Variants in MYO10 observed in about 807,000 individuals in gnomAD.
MYO10 encodes the protein myosin X.
In MYO10, 133 loss-of-function variants were observed where a neutral mutation model predicts 257.3. That is an observed-to-expected ratio of 0.52 (90% CI 0.45 to 0.60). MYO10 has a LOEUF of 0.60. MYO10 is among the 20% of genes least tolerant of loss of function. The probability of loss-of-function intolerance (pLI) is 0.00; values close to 1 mark genes in which losing one functional copy is unlikely to be tolerated. For missense variants in MYO10, 2,399 were observed against 2,635.7 expected (o/e 0.91, Z 1.97); for synonymous variants, 1,104 against 1,028.6 (o/e 1.07, Z -1.40).
intron 3 of MYO10, among the ~76,000 whole-genome samples, chr5:16,804,822 G>T (rs1742224524): frequency 6.6e-6 from 1 of 152,104 alleles, no homozygotes; most frequent in Admixed American, 6.5e-5. Flanking sequence ...GGCTGAGGTG[G>T]GAGGATCACC....
intron 1 of MYO10, chr5:16,916,179 C>A (rs572772092): frequency 2.2e-6 from 1 of 455,666 alleles, no homozygotes; most frequent in African/African-American, 2.0e-5. Flanking sequence ...ACCTTCGTTC[C>A]GCCACGTCAG....
Position 16,699,398 on chromosome 5 carries a change from A to G in MYO10, c.3556+52T>C, listed in dbSNP as rs906158632. The G allele has an allele frequency of 3.1e-6, 5 of 1,587,734 alleles. No homozygotes were observed. In the Admixed American group the frequency reaches 5.3e-5, roughly 17 times the overall value. ...ACCGCCATCCATCAGCCCGGATAAA[A>G]TAACGCCTCGCTCTCCCCCTAACCC... is the stretch of plus-strand genomic sequence containing the variant. On this transcript the variant is annotated intron_variant, in intron 26 of 40. Coordinates refer to ENST00000513610, the MANE Select transcript of MYO10 (RefSeq NM_012334.3).
intron 2 of MYO10, among the ~76,000 whole-genome samples, chr5:16,822,675 T>G (rs1742856167): frequency 7.6e-6 from 1 of 131,130 alleles, no homozygotes; most frequent in Admixed American, 8.9e-5. Context: ...TTTTTTTTCT[T>G]TTTTATTTAT....
chr5:16,879,280 T>C (rs1744694705), intron 1 of MYO10, among the ~76,000 whole-genome samples: 2 of 152,214 alleles, frequency 1.3e-5, no homozygotes, highest in African/African-American at 4.8e-5. Flanking sequence ...TTATTTCTGT[T>C]TTGTTAAATA....
chr5:16,664,528 A>C lies in MYO10; in HGVS notation c.*2164T>G, dbSNP rs1184481179. ...TCCATCCCAATCCCTGCAGAATGGG[A>C]AGAAGCCATCCGTGAGCATGAGCAG... On this transcript the variant is annotated 3_prime_UTR_variant, in exon 41 of 41. Coordinates refer to ENST00000513610, the MANE Select transcript of MYO10 (RefSeq NM_012334.3). The C allele has an allele frequency of 1.3e-5, 2 of 152,202 alleles. No homozygotes were observed. The allele number at this position is 152,202 out of a possible 1,614,324, so 9.4% of individuals were successfully genotyped here.
intron 22 of MYO10, among the ~76,000 whole-genome samples, chr5:16,703,880 CAAAAAAAAAAAAAAA>C (rs55980169): frequency 2.6e-5 from 2 of 76,996 alleles, no homozygotes; most frequent in South Asian, 5.2e-4. Context: ...GACTCTGTCT[CAAAAAAAAAAAAAAA>C]AAAAAAAAAA....
chr5:16,930,680 T>A (rs564473994), intron 1 of MYO10, among the ~76,000 whole-genome samples: 5 of 152,314 alleles, frequency 3.3e-5, no homozygotes, highest in Non-Finnish European at 5.9e-5. Flanking sequence ...AAGGGCTCTG[T>A]AAGTCCTCTC....
At chr5:16,834,884 T>C (rs765515880) in intron 2 of MYO10, among the ~76,000 whole-genome samples, 28 of 152,192 alleles carry the variant, frequency 1.8e-4, no homozygotes, top group African/African-American at 6.8e-4. Flanking sequence ...ATTGAGAATT[T>C]AGAGATAACA....
chr5:16,715,510 G>A (rs1457202638), intron 19 of MYO10, among the ~76,000 whole-genome samples: 1 of 143,176 alleles, frequency 7.0e-6, no homozygotes, highest in Non-Finnish European at 1.5e-5. Context: ...ATGTTGGTGA[G>A]GCTGGTCTTG....
intron 4 of MYO10, among the ~76,000 whole-genome samples, chr5:16,788,292 G>A (rs374303765): frequency 1.8e-4 from 27 of 152,280 alleles, no homozygotes; most frequent in East Asian, 1.7e-3. Flanking sequence ...GAGGCATCAG[G>A]GATGACTCCT....
intron 2 of MYO10, among the ~76,000 whole-genome samples, chr5:16,843,089 A>T (rs1466580116): frequency 1.3e-5 from 2 of 151,552 alleles, no homozygotes; most frequent in African/African-American, 2.4e-5. Context: ...TTCCCCTTGT[A>T]CTCGGCCCCC....
chr5:16,887,305 C>A (rs17651616), intron 1 of MYO10, among the ~76,000 whole-genome samples: 1 of 152,108 alleles, frequency 6.6e-6, no homozygotes, highest in Non-Finnish European at 1.5e-5. Flanking sequence ...ATACACTAAT[C>A]TTTGGTCAAT....
intron 3 of MYO10, among the ~76,000 whole-genome samples, chr5:16,798,697 C>T (rs975420877): frequency 5.3e-5 from 8 of 152,036 alleles, no homozygotes; most frequent in Admixed American, 2.6e-4. Context: ...ACATTATTTT[C>T]TTTTTTCTGC....
At chr5:16,741,260 T>C (rs1740008372) in intron 19 of MYO10, among the ~76,000 whole-genome samples, 1 of 152,232 alleles carries the variant, frequency 6.6e-6, no homozygotes, top group African/African-American at 2.4e-5. Flanking sequence ...ATGTGTATGC[T>C]TGTGTGAAAC....
At chr5:16,800,946 CT>C (rs1742102570) in intron 3 of MYO10, among the ~76,000 whole-genome samples, 1 of 151,964 alleles carries the variant, frequency 6.6e-6, no homozygotes, top group African/African-American at 2.4e-5. Context: ...AAAAAAAATT[CT>C]TTTCCAAAAA....
At chr5:16,861,092 A>G (rs1744095055) in intron 2 of MYO10, among the ~76,000 whole-genome samples, 1 of 152,156 alleles carries the variant, frequency 6.6e-6, no homozygotes, top group Admixed American at 6.6e-5. Context: ...ATTCTGAGGC[A>G]GAGCCAAGGC....
chr5:16,675,927 A>G lies in MYO10; in HGVS notation c.4666+104T>C, dbSNP rs1736701353. 5 of 1,327,704 alleles carry G rather than the reference A, an allele frequency of 3.8e-6. No homozygotes were observed. In the East Asian group the frequency reaches 1.0e-4, roughly 27 times the overall value. 82.2% of individuals were successfully genotyped at this position (1,327,704 alleles called of 1,614,324 possible). On this transcript the variant is annotated intron_variant, in intron 34 of 40. Transcript: ENST00000513610. The stretch of plus-strand genomic sequence containing the variant: ...TTCCTTCCAATTCACGACGAATAAG[A>G]GAGTCTTTGAGATAAAAACAAATGC...
At position 16,777,839 on chromosome 5, in the gene MYO10, C is replaced by CCTTTTTTTTTTTTTTTTTTT. The variant is rs1560979466; in HGVS notation, c.930+1705_930+1706insAAAAAAAAAAAAAAAAAAAG. On this transcript the variant is annotated intron_variant, in intron 9 of 40. Coordinates refer to ENST00000513610, the MANE Select transcript of MYO10 (RefSeq NM_012334.3). ...GCCACCCTAGGTGCATTGCATCTAA[C>CCTTTTTTTTTTTTTTTTTTT]TTTTTTTTTTTTTTTTTTTTTTTTT... is the stretch of plus-strand genomic sequence containing the variant. Among the ~76,000 whole-genome samples, 25 of 88,476 alleles carry CCTTTTTTTTTTTTTTTTTTT rather than the reference C, an allele frequency of 2.8e-4. 3 individuals carry two copies. Among genetic ancestry groups the CCTTTTTTTTTTTTTTTTTTT allele is most frequent in the African/African-American group, 8.0e-4 (15 of 18,650 alleles). 58.0% of individuals were successfully genotyped at this position (88,476 alleles called of 152,430 possible). A position where few individuals can be genotyped will look rare whatever the true frequency, so the allele number is the denominator to read the frequency against.
intron 9 of MYO10, among the ~76,000 whole-genome samples, chr5:16,769,671 A>T (rs767226765): frequency 2.0e-5 from 3 of 151,962 alleles, no homozygotes; most frequent in African/African-American, 7.2e-5. Context: ...TGATGAGGAC[A>T]TTACATAGTG....
Sources: allele counts gnomAD v4.1 joint callset (sites outside exome capture counted in the v4.1 genomes callset), GRCh38; gene constraint gnomAD v4.1.1; transcripts MANE v1.5; gene names NCBI Gene and HGNC (gene_info 2026-07-23, HGNC 2026-07-21).